Variants in AKT3 observed in about 807,000 individuals in gnomAD.
AKT3 encodes the protein AKT serine/threonine kinase 3.
In AKT3, 15 loss-of-function variants were observed where a neutral mutation model predicts 65.3. That is an observed-to-expected ratio of 0.23 (90% CI 0.15 to 0.35). The LOEUF is 0.35. AKT3 is among the 10% of genes least tolerant of loss of function. AKT3 has a pLI of 1.00. For missense variants in AKT3, 243 were observed against 576.5 expected (o/e 0.42, Z 5.92); for synonymous variants, 206 against 183.8 (o/e 1.12, Z -0.98).
chr1:243,529,902 T>C (rs1256068307), intron 12 of AKT3, among the ~76,000 whole-genome samples: 1 of 152,236 alleles, frequency 6.6e-6, no homozygotes, highest in Non-Finnish European at 1.5e-5. Flanking sequence ...TATGGCCATT[T>C]CAACAATATT....
chr1:243,587,471 G>T (rs1037337244), intron 8 of AKT3, among the ~76,000 whole-genome samples: 1 of 152,022 alleles, frequency 6.6e-6, no homozygotes, highest in Admixed American at 6.6e-5. Context: ...AAATAGCTGG[G>T]CATGGTGGCG....
intron 8 of AKT3, among the ~76,000 whole-genome samples, chr1:243,584,097 A>G (rs1235680891): frequency 6.6e-6 from 1 of 152,172 alleles, no homozygotes; most frequent in Non-Finnish European, 1.5e-5. Context: ...AGGAAAAGAG[A>G]GAAGATATAA....
chr1:243,626,380 A>G (rs1484239646), intron 6 of AKT3, among the ~76,000 whole-genome samples: 1 of 152,234 alleles, frequency 6.6e-6, no homozygotes, highest in East Asian at 1.9e-4. Context: ...ATCAGAAGTT[A>G]GGTTTACCAA....
chr1:243,526,779 TAAAAAAAAAAA>T (rs1180642142), intron 12 of AKT3, among the ~76,000 whole-genome samples: 1 of 15,168 alleles, frequency 6.6e-5, no homozygotes, highest in African/African-American at 2.4e-4. Context: ...AAAAAATGGT[TAAAAAAAAAAA>T]AAAAAAAAAA....
At chr1:243,540,892 T>A (rs527360885) in intron 12 of AKT3, among the ~76,000 whole-genome samples, 3 of 152,290 alleles carry the variant, frequency 2.0e-5, no homozygotes, top group Admixed American at 6.5e-5. Flanking sequence ...ACTGAGGTTA[T>A]GCATCTTGGA....
At chr1:243,647,582 T>C (rs1373415255) in intron 4 of AKT3, among the ~76,000 whole-genome samples, 1 of 152,236 alleles carries the variant, frequency 6.6e-6, no homozygotes, top group Non-Finnish European at 1.5e-5. Context: ...TATTTAAAAA[T>C]ACAATTGATT....
chr1:243,754,938 T>C (rs1233619323), intron 2 of AKT3, among the ~76,000 whole-genome samples: 2 of 152,198 alleles, frequency 1.3e-5, no homozygotes, highest in Non-Finnish European at 1.5e-5. Context: ...AATGCTGAAG[T>C]GAGGAAACCA....
intron 8 of AKT3, among the ~76,000 whole-genome samples, chr1:243,575,291 A>G (rs1282610345): frequency 6.6e-6 from 1 of 152,132 alleles, no homozygotes; most frequent in Non-Finnish European, 1.5e-5. Flanking sequence ...TTGGCTCTGA[A>G]CCAACTTTTC....
chr1:243,624,683 G>A (rs574662854), intron 6 of AKT3: 85 of 201,854 alleles, frequency 4.2e-4, no homozygotes, highest in Non-Finnish European at 6.6e-4. Context: ...AGTGGTGAAC[G>A]GCAACCACAT....
chr1:243,700,904 T>A (rs1489849387), intron 2 of AKT3, among the ~76,000 whole-genome samples: 1 of 152,214 alleles, frequency 6.6e-6, no homozygotes, highest in African/African-American at 2.4e-5. Flanking sequence ...AAATAAATCA[T>A]CTTTATCATG....
rs1268160971 is a variant in AKT3 at position 243,699,552 on chromosome 1, T to G, written c.47-3836A>C. 2.1e-5 allele frequency among the ~76,000 whole-genome samples: 3 copies of G among 144,122 alleles called. No homozygotes were observed. The East Asian group carries it at 6.2e-4, about 30-fold the overall frequency. The allele number at this position is 144,122 out of a possible 152,430, so 94.5% of individuals were successfully genotyped here. On this transcript the variant is annotated intron_variant, in intron 2 of 13. Coordinates refer to ENST00000673466, the MANE Select transcript of AKT3 (RefSeq NM_005465.7). Reference sequence around the variant, plus strand: ...CTTCCACTTCTTTCTCACACTCTTTTGCTGGAAGCTATACCTATGTTGAAG... The same window carrying G: ...CTTCCACTTCTTTCTCACACTCTTTGGCTGGAAGCTATACCTATGTTGAAG...
chr1:243,709,915 C>T (rs151063735), intron 2 of AKT3, among the ~76,000 whole-genome samples: 201 of 152,124 alleles, frequency 1.3e-3, no homozygotes, highest in Middle Eastern at 0.01. Flanking sequence ...TTATGCTTTT[C>T]CTGCCTTTGT....
chr1:243,488,927 G>A (rs1665693539), intron 13 of AKT3: 1 of 1,601,440 alleles, frequency 6.2e-7, no homozygotes, highest in Non-Finnish European at 8.5e-7. Flanking sequence ...TTCCCTATCA[G>A]GGGCTTCCCT....
intron 8 of AKT3, among the ~76,000 whole-genome samples, chr1:243,596,741 A>T (rs1451655243): frequency 1.3e-5 from 2 of 152,232 alleles, no homozygotes; most frequent in Non-Finnish European, 2.9e-5. Flanking sequence ...AAGAGAAAAG[A>T]AACAGGCCTA....
At chr1:243,538,960 C>T (rs942261707) in intron 12 of AKT3, among the ~76,000 whole-genome samples, 6 of 152,038 alleles carry the variant, frequency 3.9e-5, no homozygotes, top group African/African-American at 7.2e-5. Flanking sequence ...ATAAAGTCCA[C>T]GATCATAGTT....
intron 12 of AKT3, among the ~76,000 whole-genome samples, chr1:243,535,233 T>TTA (rs1671841586): frequency 1.3e-5 from 2 of 151,294 alleles, no homozygotes; most frequent in African/African-American, 4.9e-5. Context: ...TTTAAAAATT[T>TTA]CAATAGCTTT....
At chr1:243,508,935 G>A (rs919819254) in intron 13 of AKT3, among the ~76,000 whole-genome samples, 14 of 152,068 alleles carry the variant, frequency 9.2e-5, no homozygotes, top group Admixed American at 8.5e-4. Flanking sequence ...GCCTCCCAAA[G>A]TGCTGGGATT....
intron 2 of AKT3, among the ~76,000 whole-genome samples, chr1:243,729,973 G>A (rs1687446427): frequency 1.3e-5 from 2 of 152,126 alleles, no homozygotes; most frequent in South Asian, 4.1e-4. Flanking sequence ...TGTGATAGTG[G>A]CAGGAGGCAG....
At chr1:243,678,033 A>G (rs1683650670) in intron 3 of AKT3, among the ~76,000 whole-genome samples, 1 of 152,168 alleles carries the variant, frequency 6.6e-6, no homozygotes, top group Admixed American at 6.5e-5. Flanking sequence ...GGTTGCAGTG[A>G]GCCGAGATCG....
Sources: allele counts gnomAD v4.1 joint callset (sites outside exome capture counted in the v4.1 genomes callset), GRCh38; gene constraint gnomAD v4.1.1; transcripts MANE v1.5; gene names NCBI Gene and HGNC (gene_info 2026-07-23, HGNC 2026-07-21).